The following KATNIP variants were observed in gnomAD, a reference collection of about 807,000 sequenced individuals.
KATNIP encodes the protein katanin-interacting protein.
A neutral mutation model predicts 174.0 loss-of-function variants in KATNIP; 126 were observed. The ratio of observed to expected loss-of-function variants is 0.72; its 90% CI spans 0.63 to 0.84. The LOEUF (loss-of-function observed/expected upper bound fraction) is 0.84, where lower values mean the gene tolerates loss of function less well. Among genes scored for constraint, KATNIP ranks in the 40% least tolerant of loss-of-function variants. The pLI, the probability that KATNIP is intolerant of heterozygous loss-of-function variation, is 0.00. For missense variants in KATNIP, 1,958 were observed against 2,109.7 expected (o/e 0.93, Z 1.41); for synonymous variants, 810 against 835.7 (o/e 0.97, Z 0.53).
At chr16:27,742,079 A>C (rs1488878429) in intron 15 of KATNIP, among the ~76,000 whole-genome samples, 1 of 151,426 alleles carries the variant, frequency 6.6e-6, no homozygotes, top group African/African-American at 2.4e-5. Context: ...TCACCCTGAG[A>C]GCTTTGTGAA....
intron 5 of KATNIP, among the ~76,000 whole-genome samples, chr16:27,636,941 G>A (rs1326854617): frequency 6.6e-6 from 1 of 152,246 alleles, no homozygotes; most frequent in Non-Finnish European, 1.5e-5. Flanking sequence ...GAATGGCTAA[G>A]AGCATAGACC....
intron 6 of KATNIP, among the ~76,000 whole-genome samples, chr16:27,652,030 C>T (rs2077136017): frequency 6.6e-6 from 1 of 152,192 alleles, no homozygotes; most frequent in Admixed American, 6.6e-5. Flanking sequence ...AAGGGTTCCA[C>T]ATTCTTATAC....
chr16:27,689,043 C>T (rs1235069255), intron 8 of KATNIP, among the ~76,000 whole-genome samples: 2 of 152,180 alleles, frequency 1.3e-5, no homozygotes, highest in Non-Finnish European at 1.5e-5. Flanking sequence ...GAATGGTTCC[C>T]TGAAGGAAAC....
chr16:27,749,827 A>G lies in KATNIP; in HGVS notation c.2867A>G (p.Tyr956Cys), dbSNP rs781180751. ...GGGCTGTCGAGAGGGCAGGATGGCT[A>G]CTCTGGAGAGACAGACGCTGGGGGT... ...QPGLSRGQDG[Y>C]SGETDAGGDF... Residue 956 changes from tyrosine to cysteine, a missense_variant, in exon 16 of 28, where the codon TAC becomes TGC. This residue lies in a region of KATNIP where 1,557 missense variants were observed against 1,617.8 expected (regional missense o/e 0.96). Coordinates refer to ENST00000261588, the MANE Select transcript of KATNIP (RefSeq NM_015202.5). 6.2e-6 allele frequency: 10 copies of G among 1,613,714 alleles called. No homozygotes were observed. In the Admixed American group the frequency reaches 1.7e-4, roughly 27 times the overall value.
At chr16:27,588,665 A>G (rs2090994745) in intron 2 of KATNIP, among the ~76,000 whole-genome samples, 1 of 151,880 alleles carries the variant, frequency 6.6e-6, no homozygotes, top group South Asian at 2.1e-4. Flanking sequence ...GTTCTTTATC[A>G]TCATAGTGTA....
chr16:27,716,527 G>A (rs1409176203), intron 13 of KATNIP, among the ~76,000 whole-genome samples: 1 of 151,306 alleles, frequency 6.6e-6, no homozygotes, highest in Admixed American at 6.6e-5. Flanking sequence ...GCTTTCCCCA[G>A]TGGTAAATTC....
At chr16:27,720,614 G>A (rs1555484126) in intron 13 of KATNIP, among the ~76,000 whole-genome samples, 3 of 150,488 alleles carry the variant, frequency 2.0e-5, no homozygotes, top group Non-Finnish European at 4.4e-5. Context: ...ATGGGGGCCT[G>A]ACATGGACGT....
chr16:27,688,872 C>T (rs1225946611), intron 8 of KATNIP, among the ~76,000 whole-genome samples: 1 of 152,144 alleles, frequency 6.6e-6, no homozygotes, highest in Non-Finnish European at 1.5e-5. Context: ...GTTCAAGAAC[C>T]AGCTCTCTCC....
Position 27,777,244 on chromosome 16 carries a change from G to A in KATNIP, c.4551+215G>A, listed in dbSNP as rs1266115224. ...TGTCACCCTGAGCAAATAGAAAGTGGGTTTTCTTTCGTCTTTTCCTCTAGA... is the reference window on the plus strand; with the variant it reads ...TGTCACCCTGAGCAAATAGAAAGTGAGTTTTCTTTCGTCTTTTCCTCTAGA... On this transcript the variant is annotated intron_variant, in intron 25 of 27. Transcript: ENST00000261588. The surrounding 1 kb of genome is among the most constrained non-coding windows in gnomAD (Gnocchi z 4.4). Among the ~76,000 whole-genome samples, 2 of 152,170 alleles carry A rather than the reference G, an allele frequency of 1.3e-5. No individual in the cohort carries two copies. Among genetic ancestry groups the A allele is most frequent in the African/African-American group, 4.8e-5 (2 of 41,438 alleles).
chr16:27,759,329 G>A (rs1363613626), intron 18 of KATNIP, among the ~76,000 whole-genome samples: 5 of 152,206 alleles, frequency 3.3e-5, no homozygotes, highest in African/African-American at 1.2e-4. Context: ...GTGATGGGGT[G>A]AGCAGGGCTG....
intron 8 of KATNIP, among the ~76,000 whole-genome samples, chr16:27,692,275 G>A (rs1313239648): frequency 6.6e-6 from 1 of 152,182 alleles, no homozygotes; most frequent in African/African-American, 2.4e-5. Flanking sequence ...AGGGTCTAAA[G>A]GGAGCTTGAT....
chr16:27,722,540 A>G (rs1240619473), intron 14 of KATNIP: 1 of 152,218 alleles, frequency 6.6e-6, no homozygotes, highest in East Asian at 1.9e-4. Flanking sequence ...GTGAGGAAGG[A>G]CAGGAATTCA....
intron 1 of KATNIP, among the ~76,000 whole-genome samples, chr16:27,565,142 C>T (rs538522184): frequency 9.2e-5 from 14 of 151,704 alleles, no homozygotes; most frequent in African/African-American, 3.1e-4. Flanking sequence ...AAGAAGTCCC[C>T]TCAAAACGGG....
intron 12 of KATNIP, among the ~76,000 whole-genome samples, chr16:27,706,014 G>T (rs186975661): frequency 9.2e-5 from 14 of 152,240 alleles, no homozygotes; most frequent in Non-Finnish European, 1.6e-4. Flanking sequence ...AAAATCCAGG[G>T]CAAACTGACT....
intron 19 of KATNIP, among the ~76,000 whole-genome samples, chr16:27,762,757 G>T (rs899606679): frequency 2.6e-5 from 4 of 152,060 alleles, no homozygotes; most frequent in African/African-American, 9.7e-5. Flanking sequence ...ACTGCTCATG[G>T]GCCCCTCTGA....
chr16:27,661,985 T>C lies in KATNIP; in HGVS notation c.540+13250T>C, dbSNP rs28488073. 7.7e-4 allele frequency among the ~76,000 whole-genome samples: 30 copies of C among 38,738 alleles called. 4 individuals are homozygous for C. The highest frequency in any genetic ancestry group is 3.1e-3 in the East Asian group (5 of 1,610). The allele number at this position is 38,738 out of a possible 152,430, so 25.4% of individuals were successfully genotyped here. On this transcript the variant is annotated intron_variant, in intron 6 of 27. Transcript: ENST00000261588. ...ATACATATATATATATATATATATATACACATACATATATATATATATATA... is the reference window on the plus strand; with the variant it reads ...ATACATATATATATATATATATATACACACATACATATATATATATATATA...
intron 11 of KATNIP, 48 bp from the exon 12 acceptor site, chr16:27,703,848 G>A (rs764238066): frequency 3.1e-5 from 42 of 1,357,296 alleles, no homozygotes; most frequent in Non-Finnish European, 4.2e-5. Flanking sequence ...GTTCTCTTTT[G>A]TGTATCATTT....
intron 20 of KATNIP, among the ~76,000 whole-genome samples, chr16:27,769,013 G>A (rs1404087704): frequency 1.3e-5 from 2 of 152,268 alleles, no homozygotes; most frequent in African/African-American, 2.4e-5. Context: ...CATAGAGCAG[G>A]TGGTGGCTGG....
intron 8 of KATNIP, among the ~76,000 whole-genome samples, chr16:27,694,016 G>A (rs2078831679): frequency 6.6e-6 from 1 of 152,202 alleles, no homozygotes; most frequent in African/African-American, 2.4e-5. Flanking sequence ...TCGGCCCCTG[G>A]CATTCAGTGA....
Sources: gnomAD v4.1 joint callset for allele counts (sites outside exome capture counted in the v4.1 genomes callset) on GRCh38, gnomAD v4.1.1 for gene constraint, gnomAD v4.1.1 regional missense constraint, Gnocchi (gnomAD v3.1) non-coding constraint, MANE v1.5 for transcripts, NCBI Gene and HGNC (gene_info 2026-07-23, HGNC 2026-07-21) for gene names.